The following LARGE1 variants were observed in gnomAD, a reference collection of about 807,000 sequenced individuals.
LARGE1 encodes the protein xylosyl- and glucuronyltransferase LARGE1.
Under a neutral mutation model 87.6 loss-of-function variants are expected in LARGE1, and 43 were observed. The observed-to-expected ratio is 0.49, with a 90% CI of 0.38 to 0.63. The LOEUF (loss-of-function observed/expected upper bound fraction) is 0.63, where lower values mean the gene tolerates loss of function less well. Ranked by LOEUF, LARGE1 falls within the 30% of genes least tolerant of loss-of-function variation. LARGE1 has a pLI of 0.00. For missense variants in LARGE1, 802 were observed against 1,000.2 expected, an observed-to-expected ratio of 0.80 and a Z score of 2.67; for synonymous variants, 434 against 394.6, an observed-to-expected ratio of 1.10 and a Z score of -1.18.
chr22:33,585,023 ATGAGAATAGCT>A (rs1478200121), intron 5 of LARGE1, among the ~76,000 whole-genome samples: 1 of 152,162 alleles, frequency 6.6e-6, no homozygotes, highest in African/African-American at 2.4e-5. Context: ...AGGCTGAGGC[ATGAGAATAGCT>A]TGAATCTGGG....
At chr22:33,787,961 A>C (rs58569757) in intron 1 of LARGE1, among the ~76,000 whole-genome samples, 1 of 152,184 alleles carries the variant, frequency 6.6e-6, no homozygotes, top group Non-Finnish European at 1.5e-5. Context: ...GTGGCCAAAC[A>C]CTATAAAGGG....
At chr22:33,783,600 AG>A (rs1243775617) in intron 1 of LARGE1, among the ~76,000 whole-genome samples, 4 of 152,220 alleles carry the variant, frequency 2.6e-5, no homozygotes, top group Admixed American at 6.5e-5. Flanking sequence ...TTATCATGAA[AG>A]GAAGAAGAGG....
At chr22:33,311,256 G>A (rs551028720) in intron 11 of LARGE1, among the ~76,000 whole-genome samples, 16 of 152,272 alleles carry the variant, frequency 1.1e-4, no homozygotes, top group East Asian at 3.9e-4. Context: ...CACCGCGCCC[G>A]GCCCCGGACT....
At chr22:33,170,408 C>A (rs1354964828) in intron 11 of LARGE1, among the ~76,000 whole-genome samples, 2 of 151,884 alleles carry the variant, frequency 1.3e-5, no homozygotes, top group African/African-American at 2.4e-5. Flanking sequence ...TAAAGGAGAC[C>A]TCATAGAGCT....
intron 12 of LARGE1, among the ~76,000 whole-genome samples, chr22:33,288,618 A>ATATT (rs1931975536): frequency 6.6e-6 from 1 of 152,158 alleles, no homozygotes; most frequent in Non-Finnish European, 1.5e-5. Flanking sequence ...GTCTTGTAAT[A>ATATT]TATTGCTTAG....
At chr22:33,872,168 C>T (rs925126135) in intron 1 of LARGE1, among the ~76,000 whole-genome samples, 5 of 151,834 alleles carry the variant, frequency 3.3e-5, no homozygotes, top group Admixed American at 2.0e-4. Context: ...ACACACAGCA[C>T]GCTGTCTTGA....
chr22:33,142,258 G>A, the LARGE1 span, among the ~76,000 whole-genome samples: 2 of 152,166 alleles, frequency 1.3e-5, no homozygotes, highest in Non-Finnish European at 2.9e-5. Flanking sequence ...CTTTTCCTGA[G>A]CTTGAAAGAA....
At chr22:33,191,140 A>T (rs978833901) in intron 11 of LARGE1, among the ~76,000 whole-genome samples, 32 of 152,236 alleles carry the variant, frequency 2.1e-4, no homozygotes, top group African/African-American at 7.0e-4. Context: ...TATTGAATAC[A>T]TTCATAAGAT....
chr22:33,773,141 AGCAACTGG>A (rs1569439510), intron 1 of LARGE1, among the ~76,000 whole-genome samples: 2 of 152,166 alleles, frequency 1.3e-5, no homozygotes, highest in African/African-American at 4.8e-5. Flanking sequence ...CCACACAGGA[AGCAACTGG>A]TGCCTCCCTC....
At chr22:33,787,619 C>A (rs1225702550) in intron 1 of LARGE1, among the ~76,000 whole-genome samples, 1 of 152,152 alleles carries the variant, frequency 6.6e-6, no homozygotes, top group African/African-American at 2.4e-5. Flanking sequence ...TCAGCTCAAT[C>A]AGAATGAGAA....
chr22:33,856,581 C>T (rs16993190), intron 1 of LARGE1, among the ~76,000 whole-genome samples: 17 of 152,174 alleles, frequency 1.1e-4, no homozygotes, highest in Admixed American at 5.2e-4. Context: ...AACTTAGAGG[C>T]GGACAACGCC....
At chr22:33,081,174 C>T in the LARGE1 span, among the ~76,000 whole-genome samples, 5 of 152,318 alleles carry the variant, frequency 3.3e-5, no homozygotes, top group East Asian at 1.9e-4. Flanking sequence ...AGGAAGAGAA[C>T]GTTAACCAGG....
intron 6 of LARGE1, among the ~76,000 whole-genome samples, chr22:33,540,985 A>T (rs1451802440): frequency 7.0e-6 from 1 of 142,846 alleles, no homozygotes; most frequent in African/African-American, 2.6e-5. Context: ...AAAAAATATA[A>T]AAATTAGCCA....
At chr22:33,542,660 G>T (rs1489837368) in intron 6 of LARGE1, among the ~76,000 whole-genome samples, 1 of 151,146 alleles carries the variant, frequency 6.6e-6, no homozygotes, top group African/African-American at 2.4e-5. Flanking sequence ...GACAAGAGAG[G>T]TACCAAAGAT....
At chr22:33,325,903 G>T (rs1429801580) in intron 10 of LARGE1, among the ~76,000 whole-genome samples, 1 of 152,192 alleles carries the variant, frequency 6.6e-6, no homozygotes. Context: ...TCAGTTGACA[G>T]ATGAGGGCCC....
intron 1 of LARGE1, among the ~76,000 whole-genome samples, chr22:33,833,787 A>G (rs918148235): frequency 6.6e-6 from 1 of 152,188 alleles, no homozygotes; most frequent in Non-Finnish European, 1.5e-5. Flanking sequence ...TCCTGGGTTC[A>G]AACGATTCTC....
At chr22:33,488,831 C>T (rs957113061) in intron 6 of LARGE1, among the ~76,000 whole-genome samples, 2 of 152,100 alleles carry the variant, frequency 1.3e-5, no homozygotes, top group East Asian at 1.9e-4. Context: ...CATAACCTAC[C>T]TCTCTAAATC....
At chr22:33,392,713 G>A (rs5998907) in intron 7 of LARGE1, among the ~76,000 whole-genome samples, 15,004 of 152,062 alleles carry the variant, frequency 0.099, 1,240 homozygotes, top group African/African-American at 0.23. Flanking sequence ...TAAAGTGGAT[G>A]CCACTTTAAA....
At chr22:33,276,350 A>C (rs879681984) in intron 14 of LARGE1, among the ~76,000 whole-genome samples, 2 of 152,200 alleles carry the variant, frequency 1.3e-5, no homozygotes, top group Non-Finnish European at 2.9e-5. Context: ...GTTTTTGTAC[A>C]CAAAGTTTTA....
Sources: allele counts gnomAD v4.1 joint callset (sites outside exome capture counted in the v4.1 genomes callset), GRCh38; gene constraint gnomAD v4.1.1; transcripts MANE v1.5; gene names NCBI Gene and HGNC (gene_info 2026-07-23, HGNC 2026-07-21).